The following SERINC1 variants were observed in gnomAD, a reference collection of about 807,000 sequenced individuals.
SERINC1 encodes the protein tumor differentially expressed protein 2.
In SERINC1, 38 loss-of-function variants were observed where a neutral mutation model predicts 52.9. The observed-to-expected ratio is 0.72, with a 90% CI of 0.55 to 0.94. SERINC1 has a LOEUF of 0.94. SERINC1 is among the 40% of genes least tolerant of loss of function. The pLI is 0.00. For synonymous variants in SERINC1, 198 were observed against 183.1 expected (o/e 1.08, Z -0.66); for missense variants, 471 against 533.9 (o/e 0.88, Z 1.16).
intron 1 of SERINC1, among the ~76,000 whole-genome samples, chr6:122,467,398 A>C (rs1350309684): frequency 6.6e-6 from 1 of 152,152 alleles, no homozygotes; most frequent in African/African-American, 2.4e-5. Context: ...TGAGGCTAGG[A>C]GTTCTGAGAC....
chr6:122,466,304 G>A (rs1466132331), intron 1 of SERINC1, among the ~76,000 whole-genome samples: 1 of 152,074 alleles, frequency 6.6e-6, no homozygotes, highest in Non-Finnish European at 1.5e-5. Flanking sequence ...GGTTTTTGTT[G>A]TTGTTTGTTT....
rs750920534 is a variant in SERINC1 at position 122,451,758 on chromosome 6, C to CAAAAAAAAAAAAAAAA, written c.760-20_760-5dup. 6 of 88,620 alleles carry CAAAAAAAAAAAAAAAA rather than the reference C, an allele frequency of 6.8e-5. No homozygotes were observed. Among genetic ancestry groups the CAAAAAAAAAAAAAAAA allele is most frequent in the Non-Finnish European group, 8.2e-5 (5 of 60,692 alleles). 5.5% of individuals were successfully genotyped at this position (88,620 alleles called of 1,614,324 possible). A position where few individuals can be genotyped will look rare whatever the true frequency, so the allele number is the denominator to read the frequency against. On this transcript the variant is annotated splice_region_variant and splice_polypyrimidine_tract_variant and intron_variant, in intron 6 of 9. Coordinates refer to ENST00000339697, the MANE Select transcript of SERINC1 (RefSeq NM_020755.4). ...AACCAGATCTTGGTTGTGATTCCTA[C>CAAAAAAAAAAAAAAAA]AAAAAAAAAAAAAAAAAAATATATA...
At chr6:122,448,584 A>G (rs1774848963) in intron 7 of SERINC1, among the ~76,000 whole-genome samples, 6 of 152,178 alleles carry the variant, frequency 3.9e-5, no homozygotes, top group Admixed American at 3.3e-4. Flanking sequence ...CCCAATTATC[A>G]AATTCAATTG....
chr6:122,468,696 TG>T, intron 1 of SERINC1, among the ~76,000 whole-genome samples: 2 of 152,268 alleles, frequency 1.3e-5, no homozygotes, highest in South Asian at 2.1e-4. Flanking sequence ...AGGAAGATTT[TG>T]GGGGGACATT....
At chr6:122,460,522 A>G (rs1775083355) in intron 1 of SERINC1, among the ~76,000 whole-genome samples, 1 of 152,232 alleles carries the variant, frequency 6.6e-6, no homozygotes, top group South Asian at 2.1e-4. Flanking sequence ...ATCAGCCATC[A>G]AACTAAAGGC....
chr6:122,471,325 G>A (rs985881596), intron 1 of SERINC1, among the ~76,000 whole-genome samples: 13 of 151,436 alleles, frequency 8.6e-5, no homozygotes, highest in Admixed American at 5.9e-4. Context: ...CCCACCGAAG[G>A]AAAGGGGCAA....
intron 1 of SERINC1, among the ~76,000 whole-genome samples, chr6:122,460,997 T>C (rs913149944): frequency 6.6e-6 from 1 of 151,486 alleles, no homozygotes; most frequent in Non-Finnish European, 1.5e-5. Context: ...CATAAGAAAA[T>C]AAATGATCCA....
intron 3 of SERINC1, among the ~76,000 whole-genome samples, chr6:122,455,471 C>T (rs56361523): frequency 0.02 from 3,088 of 152,192 alleles, 41 homozygotes; most frequent in Non-Finnish European, 0.031. Context: ...TGGATGCTCC[C>T]TGCCCTTGAA....
Position 122,445,003 on chromosome 6 carries a change from A to G in SERINC1, c.*41T>C. On this transcript the variant is annotated 3_prime_UTR_variant, in exon 10 of 10. Transcript: ENST00000339697. ...AAAGTTGGGAATACTGTTTTCAAAT[A>G]AGCAATAATCAAAGTGGGACTTTCA... 1 of 1,587,218 alleles carries G rather than the reference A, an allele frequency of 6.3e-7. No individual in the cohort carries two copies. Among genetic ancestry groups the G allele is most frequent in the Non-Finnish European group, 8.6e-7 (1 of 1,165,070 alleles).
chr6:122,464,955 T>C (rs1460336465), intron 1 of SERINC1, among the ~76,000 whole-genome samples: 6 of 152,240 alleles, frequency 3.9e-5, no homozygotes, highest in Middle Eastern at 3.4e-3. Flanking sequence ...TAGTTAAAGA[T>C]GGCAGACTGA....
At position 122,444,272 on chromosome 6, in the gene SERINC1, C is replaced by A. The variant is rs1324349183; in HGVS notation, c.*772G>T. 6.6e-6 allele frequency: 1 copy of A among 152,338 alleles called. No homozygotes were observed. Among genetic ancestry groups the A allele is most frequent in the Non-Finnish European group, 1.5e-5 (1 of 68,136 alleles). The allele number at this position is 152,338 out of a possible 1,614,324, so 9.4% of individuals were successfully genotyped here. A position where few individuals can be genotyped will look rare whatever the true frequency, so the allele number is the denominator to read the frequency against. ...AAAGTGCTGGGATTACAAGGGTGAG[C>A]TACCGTGCTGGCCCAAAACTAACTT... On this transcript the variant is annotated 3_prime_UTR_variant, in exon 10 of 10. Coordinates refer to ENST00000339697, the MANE Select transcript of SERINC1 (RefSeq NM_020755.4).
intron 1 of SERINC1, among the ~76,000 whole-genome samples, chr6:122,464,029 T>C (rs1775148391): frequency 1.3e-5 from 2 of 152,108 alleles, no homozygotes; most frequent in Non-Finnish European, 2.9e-5. Context: ...ATGAAACTCA[T>C]TATGTGCTAA....
At chr6:122,461,802 A>C (rs1327348291) in intron 1 of SERINC1, among the ~76,000 whole-genome samples, 1 of 152,180 alleles carries the variant, frequency 6.6e-6, no homozygotes, top group African/African-American at 2.4e-5. Flanking sequence ...ATCCTCCAAG[A>C]AAGAAAATTA....
chr6:122,467,154 A>G (rs1775204327), intron 1 of SERINC1, among the ~76,000 whole-genome samples: 1 of 152,204 alleles, frequency 6.6e-6, no homozygotes, highest in Non-Finnish European at 1.5e-5. Flanking sequence ...TCATTAGAGG[A>G]TAAAGTGAGA....
chr6:122,446,629 A>C, intron 9 of SERINC1, 145 bp downstream of exon 9: 1 of 610,082 alleles, frequency 1.6e-6, no homozygotes, highest in Non-Finnish European at 2.9e-6. Flanking sequence ...TGCATTTCTC[A>C]TGCTGATCTC....
At position 122,456,533 on chromosome 6, in the gene SERINC1, G is replaced by A; in HGVS notation, c.319C>T (p.Leu107=). 1 of 1,612,252 alleles carries A rather than the reference G, an allele frequency of 6.2e-7. No individual in the cohort carries two copies. Among genetic ancestry groups the A allele is most frequent in the Non-Finnish European group, 8.5e-7 (1 of 1,179,098 alleles). Residue 107 remains leucine, a synonymous_variant, in exon 3 of 10, where the codon CTA becomes TTA. Coordinates refer to ENST00000339697, the MANE Select transcript of SERINC1 (RefSeq NM_020755.4). ...CTGCTACTCTTCACTTTGATCATTA[G>A]TAAAGAGAGAAGAAGATAGAACATA... ...LAMFYLLLSL[L]MIKVKSSSDP...
In SERINC1 at chr6:122,458,664, T is replaced by G; in HGVS notation, c.57A>C (p.Gly19=). Residue 19 remains glycine (G), a synonymous_variant, in exon 2 of 10, where the codon GGA becomes GGC. Coordinates refer to ENST00000339697, the MANE Select transcript of SERINC1 (RefSeq NM_020755.4). ...ATCGGCATAGCAAACACGGGGCACT[T>G]CCACACAAACATGGTATCTGGGAAA... ...SMASWIPCLC[G]SAPCLLCRCC... is the part of the protein sequence containing the mutation. 6.2e-7 allele frequency: 1 copy of G among 1,601,576 alleles called. No homozygotes were observed.
chr6:122,466,062 AGT>A (rs1466161910), intron 1 of SERINC1, among the ~76,000 whole-genome samples: 1 of 151,922 alleles, frequency 6.6e-6, no homozygotes, highest in African/African-American at 2.4e-5. Context: ...ATGGTGAAAC[AGT>A]CTCTACTAAA....
intron 7 of SERINC1, among the ~76,000 whole-genome samples, chr6:122,448,418 T>C (rs1774845112): frequency 6.6e-6 from 1 of 152,224 alleles, no homozygotes; most frequent in Non-Finnish European, 1.5e-5. Flanking sequence ...TCAATGAGAT[T>C]CATATAACAT....
Sources: gnomAD v4.1 joint callset for allele counts (sites outside exome capture counted in the v4.1 genomes callset) on GRCh38, gnomAD v4.1.1 for gene constraint, MANE v1.5 for transcripts, NCBI Gene and HGNC (gene_info 2026-07-23, HGNC 2026-07-21) for gene names.